PMFBP1: variants seen among roughly 807,000 people sequenced by gnomAD.
PMFBP1 encodes polyamine modulated factor 1 binding protein 1, also known as polyamine-modulated factor 1-binding protein 1.
Under a neutral mutation model 137.8 loss-of-function variants are expected in PMFBP1, and 131 were observed. The ratio of observed to expected loss-of-function variants is 0.95; its 90% CI spans 0.82 to 1.10. The LOEUF (loss-of-function observed/expected upper bound fraction) is 1.10, where lower values mean the gene tolerates loss of function less well. PMFBP1 is among the 50% of genes least tolerant of loss of function. The pLI, the probability that PMFBP1 is intolerant of heterozygous loss-of-function variation, is 0.00. For synonymous variants in PMFBP1, 490 were observed against 450.4 expected (o/e 1.09, Z -1.11); for missense variants, 1,199 against 1,175.4 (o/e 1.02, Z -0.29).
chr16:72,160,377 T>A (rs896505811), intron 3 of PMFBP1, among the ~76,000 whole-genome samples: 2 of 152,250 alleles, frequency 1.3e-5, no homozygotes. Context: ...GGACTTTCTT[T>A]ATCCTTTTGA....
chr16:72,125,098 T>C, intron 16 of PMFBP1, 140 bp downstream of exon 16: 1 of 1,385,138 alleles, frequency 7.2e-7, no homozygotes, highest in Non-Finnish European at 9.8e-7. Flanking sequence ...GCTGCCTCTG[T>C]CTGAAGTTCA....
the PMFBP1 span, among the ~76,000 whole-genome samples, chr16:72,212,455 C>T: frequency 6.8e-6 from 1 of 148,100 alleles, no homozygotes; most frequent in African/African-American, 2.5e-5. Flanking sequence ...GCTATGAGTG[C>T]TTTTAAAATT....
intron 2 of PMFBP1, among the ~76,000 whole-genome samples, chr16:72,169,119 T>C (rs370411104): frequency 6.6e-6 from 1 of 152,176 alleles, no homozygotes; most frequent in South Asian, 2.1e-4. Flanking sequence ...AATTTTGGAT[T>C]CAACCAATAA....
At chr16:72,188,395 CT>C in the PMFBP1 span, among the ~76,000 whole-genome samples, 1 of 152,342 alleles carries the variant, frequency 6.6e-6, no homozygotes, top group East Asian at 1.9e-4. Flanking sequence ...CTCTTACGTG[CT>C]CCCTAACCCT....
At chr16:72,120,184 C>T (rs1014892573) in intron 19 of PMFBP1, 95 bp from the exon 20 acceptor site, 2 of 1,581,202 alleles carry the variant, frequency 1.3e-6, no homozygotes, top group African/African-American at 2.7e-5. Context: ...ACAGGGAAGA[C>T]AGCACAGATG....
chr16:72,185,034 T>C, the PMFBP1 span, among the ~76,000 whole-genome samples: 1 of 152,034 alleles, frequency 6.6e-6, no homozygotes, highest in African/African-American at 2.4e-5. Context: ...TTTCTTTTTT[T>C]TTTTTTTGAG....
the PMFBP1 span, among the ~76,000 whole-genome samples, chr16:72,186,766 T>C: frequency 6.6e-6 from 1 of 152,174 alleles, no homozygotes; most frequent in African/African-American, 2.4e-5. Flanking sequence ...TAACAGTATA[T>C]TATATCCAAA....
At chr16:72,216,005 T>C in the PMFBP1 span, among the ~76,000 whole-genome samples, 1 of 152,258 alleles carries the variant, frequency 6.6e-6, no homozygotes. Context: ...CCAAAGCACA[T>C]ATGCTATCTT....
chr16:72,214,136 C>A, the PMFBP1 span, among the ~76,000 whole-genome samples: 1 of 151,956 alleles, frequency 6.6e-6, no homozygotes, highest in South Asian at 2.1e-4. Context: ...GTTGCCCTTG[C>A]AGAGCAGAAC....
the PMFBP1 span, among the ~76,000 whole-genome samples, chr16:72,195,304 T>G: frequency 6.6e-6 from 1 of 152,116 alleles, no homozygotes; most frequent in Admixed American, 6.5e-5. Context: ...TCCTCCTACC[T>G]CATCTTCCTT....
At chr16:72,177,252 C>A (rs1280616434), upstream of PMFBP1, among the ~76,000 whole-genome samples, 1 of 152,178 alleles carries the variant, frequency 6.6e-6, no homozygotes, top group African/African-American at 2.4e-5. Context: ...AACCCAATTG[C>A]CATTTCTTTC....
At chr16:72,130,133 G>C in intron 12 of PMFBP1, 80 bp downstream of exon 12, 1 of 1,566,288 alleles carries the variant, frequency 6.4e-7, no homozygotes, top group Non-Finnish European at 8.7e-7. Flanking sequence ...GAGATTACAG[G>C]TGTGAGCCAC....
At chr16:72,205,773 C>T in the PMFBP1 span, among the ~76,000 whole-genome samples, 1 of 152,156 alleles carries the variant, frequency 6.6e-6, no homozygotes, top group South Asian at 2.1e-4. Context: ...CTTTGGTCCA[C>T]TCTGCTGCAC....
the PMFBP1 span, among the ~76,000 whole-genome samples, chr16:72,237,589 C>T: frequency 1.3e-4 from 20 of 152,172 alleles, no homozygotes; most frequent in Middle Eastern, 3.4e-3. Context: ...AAATCTCTTA[C>T]AAAAATGTCG....
intron 2 of PMFBP1, among the ~76,000 whole-genome samples, chr16:72,166,052 G>A (rs140206708): frequency 2.7e-4 from 41 of 152,166 alleles, no homozygotes; most frequent in South Asian, 2.5e-3. Flanking sequence ...TCACTGTGCC[G>A]GCTTTCTACA....
At chr16:72,241,018 G>A in the PMFBP1 span, among the ~76,000 whole-genome samples, 1 of 151,884 alleles carries the variant, frequency 6.6e-6, no homozygotes, top group Non-Finnish European at 1.5e-5. Flanking sequence ...ACTTAACCTT[G>A]GTAGACAATA....
In PMFBP1 at chr16:72,125,203, C is replaced by T. The variant is rs376622991; in HGVS notation, c.2421+35G>A. The T allele has an allele frequency of 1.9e-6, 3 of 1,600,032 alleles. No homozygotes were observed. In the South Asian group the frequency reaches 3.4e-5, roughly 18 times the overall value. ...AAGAGGTGACCTTGTGGACCCCTACCAGGAAGGCAGCCCAAGCCCCTGGCA... is the reference window on the plus strand; with the variant it reads ...AAGAGGTGACCTTGTGGACCCCTACTAGGAAGGCAGCCCAAGCCCCTGGCA... On this transcript the variant is annotated intron_variant, in intron 16 of 20. Transcript: ENST00000237353.
At chr16:72,230,795 C>A in the PMFBP1 span, among the ~76,000 whole-genome samples, 2 of 152,134 alleles carry the variant, frequency 1.3e-5, no homozygotes, top group South Asian at 4.1e-4. Context: ...TTATTTCTTG[C>A]CTGGATTAAC....
chr16:72,137,426 G>A (rs2042648760), intron 7 of PMFBP1, among the ~76,000 whole-genome samples: 1 of 152,202 alleles, frequency 6.6e-6, no homozygotes, highest in Non-Finnish European at 1.5e-5. Flanking sequence ...GGAAACAGAA[G>A]AGCGAAGGGG....
Sources: allele counts gnomAD v4.1 joint callset (sites outside exome capture counted in the v4.1 genomes callset), GRCh38; gene constraint gnomAD v4.1.1; transcripts MANE v1.5; gene names NCBI Gene and HGNC (gene_info 2026-07-23, HGNC 2026-07-21).